RP1L1: variants seen among roughly 807,000 people sequenced by gnomAD.
RP1L1 encodes RP1 like 1, also known as retinitis pigmentosa 1-like 1 protein.
RP1L1 carries 27 observed loss-of-function variants against 15.7 expected under a neutral mutation model. The ratio of observed to expected loss-of-function variants is 1.72; its 90% CI spans 1.27 to 2.38. The LOEUF (loss-of-function observed/expected upper bound fraction) is 2.38. Among genes scored for constraint, RP1L1 ranks in the 30% most tolerant of loss-of-function variants. The probability of loss-of-function intolerance (pLI) is 0.00; values close to 1 mark genes in which losing one functional copy is unlikely to be tolerated. For missense variants in RP1L1, 4,798 were observed against 3,075.9 expected, an observed-to-expected ratio of 1.56 and a Z score of -13.24; for synonymous variants, 1,813 against 1,276.7, an observed-to-expected ratio of 1.42 and a Z score of -8.96.
intron 3 of RP1L1, 59 bp from the exon 4 acceptor site, chr8:10,613,405 A>G (rs11773913): frequency 0.71 from 1,135,361 of 1,593,768 alleles, 412,118 homozygotes; most frequent in Non-Finnish European, 0.76. Context: ...TGGGGGCAGC[A>G]TCAGGATAAA....
chr8:10,644,808 G>T (rs1455567553), intron 1 of RP1L1, among the ~76,000 whole-genome samples: 1 of 152,120 alleles, frequency 6.6e-6, no homozygotes, highest in African/African-American at 2.4e-5. Context: ...TATATTTCTG[G>T]TGCTTCCTAT....
Position 10,613,199 on chromosome 8 carries a change from G to C in RP1L1, c.899C>G (p.Ser300Trp), listed in dbSNP as rs200642524. ...GTCATCGCCAGCCACCAGCGGGCCC[G>C]ACTGAGCTGGCGTGTCCTGAGGGTG... ...GRHPQDTPAQSGPLVAGDDMK... is the reference protein window; with the variant it reads ...GRHPQDTPAQWGPLVAGDDMK... Residue 300 changes from serine to tryptophan, a missense_variant, in exon 4 of 4, where the codon TCG (serine) becomes TGG (tryptophan). Ser to Trp is a radical substitution (Grantham distance 177). Transcript: ENST00000382483. 3 of 1,613,556 alleles carry C rather than the reference G, an allele frequency of 1.9e-6. No homozygotes were observed. The South Asian group carries it at 3.3e-5, about 18-fold the overall frequency.
At chr8:10,646,588 C>T (rs1193449450) in intron 1 of RP1L1, among the ~76,000 whole-genome samples, 2 of 152,108 alleles carry the variant, frequency 1.3e-5, no homozygotes, top group Non-Finnish European at 2.9e-5. Flanking sequence ...TTCCGCTTGG[C>T]CCTCTGGACT....
chr8:10,651,283 A>G (rs780439971), intron 1 of RP1L1, among the ~76,000 whole-genome samples: 3 of 152,222 alleles, frequency 2.0e-5, no homozygotes, highest in Non-Finnish European at 4.4e-5. Flanking sequence ...CAAAACCTCC[A>G]GGTGATTGTG....
At chr8:10,616,315 A>C (rs1797963848) in intron 3 of RP1L1, 131 bp downstream of exon 3, 1 of 1,234,180 alleles carries the variant, frequency 8.1e-7, no homozygotes, top group Admixed American at 1.8e-5. Flanking sequence ...GAGAGATCCC[A>C]AAATGACTGG....
At position 10,608,805 on chromosome 8, in the gene RP1L1, C is replaced by T. The variant is rs760567875; in HGVS notation, c.5293G>A (p.Gly1765Arg). The T allele has an allele frequency of 4.3e-6, 7 of 1,614,074 alleles. No individual in the cohort carries two copies. Among genetic ancestry groups the T allele is most frequent in the African/African-American group, 1.3e-5 (1 of 74,922 alleles). ...DKDPKLGEAE[G>R]DAMAQEREGK... ...TCTCTCTCCTGAGCCATTGCATCTC[C>T]CTCTGCCTCCCCGAGTTTGGGATCT... Residue 1765 changes from glycine to arginine, a missense_variant, in exon 4 of 4, where the codon GGA becomes AGA. Coordinates refer to ENST00000382483, the MANE Select transcript of RP1L1 (RefSeq NM_178857.6).
intron 1 of RP1L1, among the ~76,000 whole-genome samples, chr8:10,627,572 G>C (rs905879681): frequency 2.0e-5 from 3 of 151,854 alleles, no homozygotes; most frequent in Non-Finnish European, 4.4e-5. Flanking sequence ...GCACACCAAC[G>C]GCACAGGACT....
chr8:10,646,155 C>G (rs1221702257), intron 1 of RP1L1, among the ~76,000 whole-genome samples: 2 of 152,250 alleles, frequency 1.3e-5, no homozygotes, highest in East Asian at 3.9e-4. Context: ...GGAGGGCATC[C>G]CCCACGGGGC....
intron 2 of RP1L1, among the ~76,000 whole-genome samples, chr8:10,618,622 G>T (rs979549631): frequency 3.9e-5 from 6 of 152,126 alleles, no homozygotes; most frequent in East Asian, 1.9e-4. Flanking sequence ...AGCCCAGGAG[G>T]TCGAGGCTGC....
chr8:10,618,231 G>T (rs1049729735), intron 2 of RP1L1, among the ~76,000 whole-genome samples: 1 of 152,166 alleles, frequency 6.6e-6, no homozygotes, highest in Non-Finnish European at 1.5e-5. Flanking sequence ...CAGATGCAGT[G>T]GTTCATGCCT....
intron 3 of RP1L1, among the ~76,000 whole-genome samples, chr8:10,615,964 G>T (rs1221111971): frequency 6.6e-6 from 1 of 152,100 alleles, no homozygotes; most frequent in African/African-American, 2.4e-5. Flanking sequence ...GAGTGAAGTG[G>T]TGCGATCACG....
intron 2 of RP1L1, chr8:10,621,627 T>C: frequency 2.2e-6 from 1 of 447,502 alleles, no homozygotes; most frequent in Non-Finnish European, 4.6e-6. Flanking sequence ...TGCCCAGTGA[T>C]ATGATATTTA....
At position 10,623,128 on chromosome 8, in the gene RP1L1, G is replaced by T. The variant is rs761186026; in HGVS notation, c.74C>A (p.Pro25His). ...ECFLPSVARTPSVTKVTPAKK... is the reference protein window; with the variant it reads ...ECFLPSVARTHSVTKVTPAKK... ...GGCTGGCGTGACCTTGGTGACCGAGGGGGTGCGAGCCACAGAGGGCAGGAA... is the reference window on the plus strand; with the variant it reads ...GGCTGGCGTGACCTTGGTGACCGAGTGGGTGCGAGCCACAGAGGGCAGGAA... Residue 25 changes from proline to histidine, a missense_variant, in exon 2 of 4, where the codon CCC becomes CAC. Physicochemically the swap from Pro to His is moderately conservative, Grantham distance 77. Transcript: ENST00000382483. 1 of 1,610,750 alleles carries T rather than the reference G, an allele frequency of 6.2e-7. No individual in the cohort carries two copies.
At chr8:10,633,661 T>A (rs1418296311) in intron 1 of RP1L1, among the ~76,000 whole-genome samples, 2 of 151,972 alleles carry the variant, frequency 1.3e-5, no homozygotes, top group African/African-American at 4.8e-5. Flanking sequence ...GAGTCCACCA[T>A]CCACCCAGAG....
At chr8:10,632,208 T>C (rs943788219) in intron 1 of RP1L1, among the ~76,000 whole-genome samples, 5 of 152,178 alleles carry the variant, frequency 3.3e-5, no homozygotes, top group African/African-American at 1.2e-4. Flanking sequence ...GGCACCAATG[T>C]CCGACTGTGG....
rs1475392254 is a variant in RP1L1 at position 10,611,173 on chromosome 8, C to G, written c.2925G>C (p.Leu975Phe). ...CAGCTGCACCTGTGGTCTCGTCCGC[C>G]AACTCATATGTCATGAGTATGGGCT... The part of the protein sequence containing the change: ...PEEPILMTYE[L>F]ADETTGAAGG... Residue 975 changes from leucine (L) to phenylalanine (F), a missense_variant, in exon 4 of 4, where the codon TTG becomes TTC. Transcript: ENST00000382483. 6.2e-7 allele frequency: 1 copy of G among 1,612,992 alleles called. No individual in the cohort carries two copies. The highest frequency in any genetic ancestry group is 1.7e-5 in the Admixed American group (1 of 60,036).
chr8:10,640,822 G>A (rs1174006866), intron 1 of RP1L1, among the ~76,000 whole-genome samples: 4 of 152,066 alleles, frequency 2.6e-5, no homozygotes, highest in Non-Finnish European at 5.9e-5. Flanking sequence ...CCAAGCTGGA[G>A]TACAATGGCG....
At chr8:10,623,982 C>T (rs1798117456) in intron 1 of RP1L1, among the ~76,000 whole-genome samples, 1 of 151,686 alleles carries the variant, frequency 6.6e-6, no homozygotes, top group African/African-American at 2.4e-5. Context: ...CCAGCACCTC[C>T]ATGTCCCCGG....
At chr8:10,639,274 C>T (rs959261906) in intron 1 of RP1L1, among the ~76,000 whole-genome samples, 7 of 152,192 alleles carry the variant, frequency 4.6e-5, no homozygotes, top group Admixed American at 3.9e-4. Context: ...GAGAGAAAGA[C>T]ACAGGACAAA....
Sources: allele counts gnomAD v4.1 joint callset (sites outside exome capture counted in the v4.1 genomes callset), GRCh38; gene constraint gnomAD v4.1.1; transcripts MANE v1.5; gene names NCBI Gene and HGNC (gene_info 2026-07-23, HGNC 2026-07-21).